PRKN: variants seen among roughly 807,000 people sequenced by gnomAD.
PRKN encodes the protein parkin RBR E3 ubiquitin protein ligase.
In PRKN, 56 loss-of-function variants were observed where a neutral mutation model predicts 59.5. The observed-to-expected ratio is 0.94, with a 90% CI of 0.76 to 1.18. The LOEUF (loss-of-function observed/expected upper bound fraction) is 1.18. Ranked by LOEUF, PRKN falls within the 50% of genes most tolerant of loss-of-function variation. The probability of loss-of-function intolerance (pLI) is 0.00; values close to 1 mark genes in which losing one functional copy is unlikely to be tolerated. For synonymous variants in PRKN, 250 were observed against 222.1 expected (o/e 1.13, Z -1.12); for missense variants, 657 against 596.4 (o/e 1.10, Z -1.06).
chr6:162,182,697 T>C (rs967003384), intron 4 of PRKN, among the ~76,000 whole-genome samples: 3 of 152,244 alleles, frequency 2.0e-5, no homozygotes, highest in African/African-American at 7.2e-5. Context: ...GCATACCTCA[T>C]TTTATTGCAC....
intron 7 of PRKN, among the ~76,000 whole-genome samples, chr6:161,722,122 C>T (rs1443112739): frequency 6.6e-6 from 1 of 152,052 alleles, no homozygotes; most frequent in East Asian, 1.9e-4. Flanking sequence ...GAGTTAAACA[C>T]CTTAACACCT....
At chr6:161,743,492 G>A (rs542121955) in intron 7 of PRKN, among the ~76,000 whole-genome samples, 4 of 151,466 alleles carry the variant, frequency 2.6e-5, no homozygotes, top group Admixed American at 1.3e-4. Context: ...CTTGTGATCC[G>A]CCTGCCTCGG....
intron 4 of PRKN, among the ~76,000 whole-genome samples, chr6:162,118,292 C>A (rs1780760730): frequency 6.6e-6 from 1 of 151,706 alleles, no homozygotes; most frequent in African/African-American, 2.4e-5. Context: ...GTTGTCCCAG[C>A]TACTTGGGAG....
chr6:161,966,139 A>G (rs1780570766), intron 6 of PRKN, among the ~76,000 whole-genome samples: 1 of 152,026 alleles, frequency 6.6e-6, no homozygotes, highest in Admixed American at 6.6e-5. Flanking sequence ...TCCTTGTCTC[A>G]TAATGTTATC....
chr6:162,726,401 C>T (rs1188163634), intron 1 of PRKN, among the ~76,000 whole-genome samples: 1 of 152,088 alleles, frequency 6.6e-6, no homozygotes, highest in African/African-American at 2.4e-5. Flanking sequence ...GTAAATGTCA[C>T]CTAAAAAGAG....
Position 161,562,296 on chromosome 6 carries a change from T to C in PRKN, c.933+7059A>G, listed in dbSNP as rs1452275146. On this transcript the variant is annotated intron_variant, in intron 8 of 11. Coordinates refer to ENST00000366898, the MANE Select transcript of PRKN (RefSeq NM_004562.3). This position sits in a 1 kb window ranked among gnomAD's most constrained non-coding sequence, Gnocchi z 4.3. The stretch of plus-strand genomic sequence containing the variant: ...CAACACCACAAATTGCCATTCCTCC[T>C]CCGGAAGGCCCGCCTACTTGCCTTC... 2.0e-5 allele frequency among the ~76,000 whole-genome samples: 3 copies of C among 152,146 alleles called. No homozygotes were observed. The highest frequency in any genetic ancestry group is 7.2e-5 in the African/African-American group (3 of 41,428).
At chr6:162,581,190 C>T (rs1257847892) in intron 1 of PRKN, among the ~76,000 whole-genome samples, 1 of 152,152 alleles carries the variant, frequency 6.6e-6, no homozygotes, top group Non-Finnish European at 1.5e-5. Context: ...GAATACCAAG[C>T]ATCTGAGATA....
In PRKN at chr6:161,561,969, A is replaced by C. The variant is rs745651041; in HGVS notation, c.933+7386T>G. On this transcript the variant is annotated intron_variant, in intron 8 of 11. Transcript: ENST00000366898. This position sits in a 1 kb window ranked among gnomAD's most constrained non-coding sequence, Gnocchi z 5.0. ...TTTGCCACAGTGTCACAGGCGAAGG[A>C]CGCTCCCTGACCTCATCTTCTGCAA... Among the ~76,000 whole-genome samples the C allele has an allele frequency of 6.6e-6, 1 of 152,130 alleles. No individual in the cohort carries two copies. Among genetic ancestry groups the C allele is most frequent in the Non-Finnish European group, 1.5e-5 (1 of 68,020 alleles).
At chr6:162,643,428 A>G (rs1253826966) in intron 1 of PRKN, among the ~76,000 whole-genome samples, 1 of 148,120 alleles carries the variant, frequency 6.8e-6, no homozygotes, top group Non-Finnish European at 1.5e-5. Context: ...AAGAAAGAAC[A>G]ACAAGCATAT....
intron 1 of PRKN, among the ~76,000 whole-genome samples, chr6:162,593,392 A>G (rs1202169050): frequency 2.0e-5 from 3 of 152,218 alleles, no homozygotes; most frequent in Non-Finnish European, 4.4e-5. Flanking sequence ...GTGGAATGCT[A>G]CATATCTGGA....
Position 161,392,504 on chromosome 6 carries a change from C to CCTCT in PRKN, c.1084-5631_1084-5628dup, listed in dbSNP as rs67425763. On this transcript the variant is annotated intron_variant, in intron 9 of 11. Coordinates refer to ENST00000366898, the MANE Select transcript of PRKN (RefSeq NM_004562.3). Reference sequence around the variant, plus strand: ...GTTATTTGCAAAATTATAGTTCAAACCTCTCTCTCTCTCTCTCTCTCTCTC... The same window carrying CCTCT: ...GTTATTTGCAAAATTATAGTTCAAACCTCTCTCTCTCTCTCTCTCTCTCTCTCTC... Among the ~76,000 whole-genome samples the CCTCT allele has an allele frequency of 2.2e-3, 322 of 145,398 alleles. 2 individuals carry two copies. Among genetic ancestry groups the CCTCT allele is most frequent in the South Asian group, 5.9e-3 (27 of 4,550 alleles).
chr6:161,839,679 A>C lies in PRKN; in HGVS notation c.735-53771T>G, dbSNP rs1212558439. ...ATCAGGAATGTCCTCTAATTTCAGA[A>C]ATTAATTTGAACAATTTAAAGCCTT... On this transcript the variant is annotated intron_variant, in intron 6 of 11. Coordinates refer to ENST00000366898, the MANE Select transcript of PRKN (RefSeq NM_004562.3). 3.9e-5 allele frequency among the ~76,000 whole-genome samples: 6 copies of C among 152,250 alleles called. No homozygotes were observed. In the East Asian group the frequency reaches 1.2e-3, roughly 29 times the overall value.
intron 2 of PRKN, among the ~76,000 whole-genome samples, chr6:162,300,695 T>C (rs1473282015): frequency 6.6e-6 from 1 of 152,130 alleles, no homozygotes; most frequent in Non-Finnish European, 1.5e-5. Context: ...AGCCAGGATG[T>C]AGACAAAAGA....
chr6:162,420,966 G>T (rs559552015), intron 2 of PRKN, among the ~76,000 whole-genome samples: 3 of 152,160 alleles, frequency 2.0e-5, no homozygotes, highest in Non-Finnish European at 2.9e-5. Flanking sequence ...CGAGCTCAAA[G>T]AAAGACTGAG....
intron 6 of PRKN, among the ~76,000 whole-genome samples, chr6:161,862,243 T>A (rs1793932636): frequency 6.6e-6 from 1 of 152,126 alleles, no homozygotes; most frequent in Non-Finnish European, 1.5e-5. Context: ...CCCACTACAG[T>A]GAATTAGTTC....
chr6:162,100,385 T>C (rs1411902593), intron 4 of PRKN, among the ~76,000 whole-genome samples: 2 of 152,152 alleles, frequency 1.3e-5, no homozygotes, highest in South Asian at 2.1e-4. Flanking sequence ...CCACCAACAG[T>C]GTACAAGGCT....
Position 161,551,050 on chromosome 6 carries a change from CG to C in PRKN, c.934-2048del, listed in dbSNP as rs1779995042. 6.6e-6 allele frequency among the ~76,000 whole-genome samples: 1 copy of C among 152,194 alleles called. No individual in the cohort carries two copies. The highest frequency in any genetic ancestry group is 2.1e-4 in the South Asian group (1 of 4,820). ...TTACCAGAAAAGAGGTCTAAGAGTT[CG>C]GATGGCAAACAAACTAGAATCTCTG... is the stretch of plus-strand genomic sequence containing the variant. On this transcript the variant is annotated intron_variant, in intron 8 of 11. Transcript: ENST00000366898. The surrounding 1 kb of genome is among the most constrained non-coding windows in gnomAD (Gnocchi z 5.2).
intron 7 of PRKN, among the ~76,000 whole-genome samples, chr6:161,755,256 CA>C (rs1788866823): frequency 6.6e-6 from 1 of 152,038 alleles, no homozygotes; most frequent in African/African-American, 2.4e-5. Context: ...ATACTCTCTG[CA>C]ATGATTCTCA....
chr6:161,535,920 C>G (rs1037725392), intron 9 of PRKN, among the ~76,000 whole-genome samples: 19 of 151,392 alleles, frequency 1.3e-4, no homozygotes, highest in African/African-American at 4.1e-4. Context: ...TATAATGGAG[C>G]CTACTACAAT....
Sources: gnomAD v4.1 joint callset for allele counts (sites outside exome capture counted in the v4.1 genomes callset) on GRCh38, gnomAD v4.1.1 for gene constraint, Gnocchi (gnomAD v3.1) non-coding constraint, MANE v1.5 for transcripts, NCBI Gene and HGNC (gene_info 2026-07-23, HGNC 2026-07-21) for gene names.